CCDC126: variants seen among roughly 807,000 people sequenced by gnomAD.
CCDC126 encodes the protein coiled-coil domain-containing protein 126.
In CCDC126, 5 loss-of-function variants were observed where a neutral mutation model predicts 11.7. The ratio of observed to expected loss-of-function variants is 0.43; its 90% CI spans 0.22 to 0.90. CCDC126 has a LOEUF of 0.90. Ranked by LOEUF, CCDC126 falls within the 40% of genes least tolerant of loss-of-function variation. The probability of loss-of-function intolerance (pLI) is 0.27; values close to 1 mark genes in which losing one functional copy is unlikely to be tolerated. For missense variants in CCDC126, 150 were observed against 163.1 expected (o/e 0.92, Z 0.44); for synonymous variants, 60 against 61.9 (o/e 0.97, Z 0.14).
chr7:23,627,579 A>G (rs1426331932), intron 3 of CCDC126, among the ~76,000 whole-genome samples: 1 of 151,974 alleles, frequency 6.6e-6, no homozygotes, highest in Non-Finnish European at 1.5e-5. Context: ...GAAAAAAAAA[A>G]AAAGAAAGAC....
At chr7:23,631,718 G>A (rs770940710) in intron 3 of CCDC126, among the ~76,000 whole-genome samples, 24 of 151,718 alleles carry the variant, frequency 1.6e-4, no homozygotes, top group Non-Finnish European at 3.1e-4. Context: ...CAGAGATGGA[G>A]CCACTGCACC....
At chr7:23,619,509 T>C in intron 3 of CCDC126, 1 of 357,520 alleles carries the variant, frequency 2.8e-6, no homozygotes. Context: ...TTTTCCAATG[T>C]AATGCACAGC....
intron 2 of CCDC126, among the ~76,000 whole-genome samples, chr7:23,602,433 T>G (rs999616107): frequency 1.3e-5 from 2 of 152,230 alleles, no homozygotes; most frequent in African/African-American, 4.8e-5. Flanking sequence ...CCATATCAGA[T>G]CATTACTATT....
At chr7:23,633,096 G>A (rs1438971612) in intron 3 of CCDC126, among the ~76,000 whole-genome samples, 2 of 152,000 alleles carry the variant, frequency 1.3e-5, no homozygotes, top group Non-Finnish European at 1.5e-5. Flanking sequence ...GAGTTCAAGC[G>A]ATTTTCCTGA....
intron 3 of CCDC126, among the ~76,000 whole-genome samples, chr7:23,617,301 T>G (rs1203198736): frequency 7.3e-6 from 1 of 137,586 alleles, no homozygotes; most frequent in Non-Finnish European, 1.5e-5. Context: ...TGAGCCAAGA[T>G]TGCACCACTG....
At chr7:23,597,700 C>T (rs1009376243) in intron 1 of CCDC126, 95 bp downstream of exon 1, 1 of 152,708 alleles carries the variant, frequency 6.5e-6, no homozygotes, top group Non-Finnish European at 1.5e-5. Context: ...GCCCCCGTCC[C>T]CGGTCCCCGC....
intron 2 of CCDC126, among the ~76,000 whole-genome samples, chr7:23,605,948 G>A (rs941146571): frequency 2.6e-5 from 4 of 151,548 alleles, no homozygotes; most frequent in Non-Finnish European, 2.9e-5. Flanking sequence ...GAAGAGTTTC[G>A]ATTTGTTCAC....
intron 3 of CCDC126, among the ~76,000 whole-genome samples, chr7:23,615,899 G>T (rs1782787872): frequency 6.6e-6 from 1 of 152,170 alleles, no homozygotes; most frequent in African/African-American, 2.4e-5. Flanking sequence ...CAAGAATAAT[G>T]AAAAAGTCTG....
intron 3 of CCDC126, among the ~76,000 whole-genome samples, chr7:23,613,081 T>C (rs1584198951): frequency 1.3e-5 from 2 of 152,124 alleles, no homozygotes; most frequent in Admixed American, 1.3e-4. Context: ...GAGGCTGAGG[T>C]AGGTGGATTG....
intron 3 of CCDC126, among the ~76,000 whole-genome samples, chr7:23,619,952 G>A (rs549788041): frequency 1.3e-5 from 2 of 152,098 alleles, no homozygotes; most frequent in African/African-American, 2.4e-5. Flanking sequence ...TGGTGTCTAT[G>A]TGCCACATTT....
At chr7:23,602,255 CAG>C (rs1782557418) in intron 2 of CCDC126, 2 of 152,114 alleles carry the variant, frequency 1.3e-5, no homozygotes, top group Non-Finnish European at 1.5e-5. Context: ...TGTTTCTTAA[CAG>C]GGAATATTTT....
At chr7:23,639,686 C>T (rs1278866346) in intron 3 of CCDC126, among the ~76,000 whole-genome samples, 1 of 152,140 alleles carries the variant, frequency 6.6e-6, no homozygotes, top group Non-Finnish European at 1.5e-5. Flanking sequence ...GAGATGCACT[C>T]TTGGAAAATC....
At chr7:23,622,910 A>G in intron 3 of CCDC126, 1 of 310,842 alleles carries the variant, frequency 3.2e-6, no homozygotes, top group South Asian at 2.9e-5. Context: ...AACATGAATT[A>G]TTATTCTGTT....
intron 3 of CCDC126, among the ~76,000 whole-genome samples, chr7:23,636,653 C>T (rs1370169187): frequency 1.4e-5 from 2 of 145,012 alleles, no homozygotes; most frequent in Admixed American, 6.8e-5. Flanking sequence ...AGTGAGGAGC[C>T]CCTCCGTCCG....
At chr7:23,621,370 GCTCT>G (rs1315351906) in intron 3 of CCDC126, among the ~76,000 whole-genome samples, 6 of 152,018 alleles carry the variant, frequency 3.9e-5, no homozygotes, top group Admixed American at 3.9e-4. Context: ...TCATGATTTG[GCTCT>G]CTGTTTGTGT....
At chr7:23,636,778 G>GT (rs1783230616) in intron 3 of CCDC126, among the ~76,000 whole-genome samples, 1 of 138,306 alleles carries the variant, frequency 7.2e-6, no homozygotes, top group Admixed American at 6.9e-5. Flanking sequence ...GTGGGGGGGG[G>GT]GTCAGCCCCC....
At chr7:23,624,348 G>A (rs889539194) in intron 3 of CCDC126, among the ~76,000 whole-genome samples, 1 of 152,128 alleles carries the variant, frequency 6.6e-6, no homozygotes, top group South Asian at 2.1e-4. Flanking sequence ...AAATAATGAT[G>A]GTTAGTCTGG....
chr7:23,622,968 C>CTTTTTTTTTT (rs1228157804), intron 3 of CCDC126: 1 of 91,570 alleles, frequency 1.1e-5, no homozygotes, highest in Non-Finnish European at 1.9e-5. Flanking sequence ...TATGCTCACT[C>CTTTTTTTTTT]TTTTTTTTTT....
Position 23,643,042 on chromosome 7 carries a change from C to T in CCDC126, c.350C>T (p.Thr117Ile), listed in dbSNP as rs1783391864. 20 of 1,614,120 alleles carry T rather than the reference C, an allele frequency of 1.2e-5. No individual in the cohort carries two copies. Among genetic ancestry groups the T allele is most frequent in the Non-Finnish European group, 1.7e-5 (20 of 1,180,024 alleles). The part of the protein sequence containing the change: ...IVVNGSAANT[T>I]NGTSGNLVPV... ...GTGAATGGCTCAGCAGCCAACACCA[C>T]CAATGGTACTAGTGGGAATTTGGTG... The change falls in exon 4 of 4, where the codon ACC becomes ATC. Residue 117 changes from threonine (T) to isoleucine (I), a missense_variant. By Grantham distance (89) the Thr-to-Ile change is moderately conservative. Transcript: ENST00000307471.
Sources: gnomAD v4.1 joint callset for allele counts (sites outside exome capture counted in the v4.1 genomes callset) on GRCh38, gnomAD v4.1.1 for gene constraint, MANE v1.5 for transcripts, NCBI Gene and HGNC (gene_info 2026-07-23, HGNC 2026-07-21) for gene names.